The following CNTNAP2 variants were observed in gnomAD, a reference collection of about 807,000 sequenced individuals.
CNTNAP2 encodes contactin associated protein 2, also known as contactin-associated protein-like 2.
CNTNAP2 carries 98 observed loss-of-function variants against 155.2 expected under a neutral mutation model. The ratio of observed to expected loss-of-function variants is 0.63; its 90% CI spans 0.54 to 0.75. The LOEUF is 0.75. CNTNAP2 is among the 30% of genes least tolerant of loss of function. The pLI, the probability that CNTNAP2 is intolerant of heterozygous loss-of-function variation, is 0.00. For missense variants in CNTNAP2, 1,727 were observed against 1,688.1 expected (o/e 1.02, Z -0.40); for synonymous variants, 651 against 631.2 (o/e 1.03, Z -0.47).
At chr7:146,958,407 GTTTTTT>G (rs71165054) in intron 3 of CNTNAP2, among the ~76,000 whole-genome samples, 2 of 78,032 alleles carry the variant, frequency 2.6e-5, no homozygotes, top group Non-Finnish European at 4.7e-5. Context: ...CATTTTTATG[GTTTTTT>G]TTTTTTTTTT....
chr7:146,462,981 T>G (rs1459558307), intron 1 of CNTNAP2, among the ~76,000 whole-genome samples: 1 of 152,080 alleles, frequency 6.6e-6, no homozygotes, highest in Non-Finnish European at 1.5e-5. Context: ...AAACAATGCA[T>G]CAGACATTAA....
At chr7:147,806,571 G>T (rs533769666) in intron 13 of CNTNAP2, among the ~76,000 whole-genome samples, 1 of 152,316 alleles carries the variant, frequency 6.6e-6, no homozygotes, top group African/African-American at 2.4e-5. Flanking sequence ...AGCACTATTT[G>T]CAGTAGCCAA....
intron 1 of CNTNAP2, among the ~76,000 whole-genome samples, chr7:146,762,717 T>C (rs1179735945): frequency 1.3e-5 from 2 of 152,084 alleles, no homozygotes; most frequent in African/African-American, 4.8e-5. Context: ...GGGCTCACAG[T>C]TCCACGTGGC....
chr7:147,926,142 T>A (rs1800394199), intron 14 of CNTNAP2, among the ~76,000 whole-genome samples: 1 of 151,998 alleles, frequency 6.6e-6, no homozygotes, highest in Admixed American at 6.6e-5. Context: ...TCAAATGGAG[T>A]CTTATTTGAA....
intron 1 of CNTNAP2, among the ~76,000 whole-genome samples, chr7:146,774,040 G>T (rs985297570): frequency 6.6e-6 from 1 of 152,154 alleles, no homozygotes; most frequent in Non-Finnish European, 1.5e-5. Context: ...GAAGTCCTTT[G>T]GAGTAATGTG....
At chr7:146,393,190 T>C (rs759776060) in intron 1 of CNTNAP2, among the ~76,000 whole-genome samples, 2 of 152,232 alleles carry the variant, frequency 1.3e-5, no homozygotes, top group Non-Finnish European at 2.9e-5. Flanking sequence ...GAGAAGACTC[T>C]ACTCAGGTGC....
At chr7:147,942,007 C>T (rs962881721) in intron 14 of CNTNAP2, among the ~76,000 whole-genome samples, 2 of 152,184 alleles carry the variant, frequency 1.3e-5, no homozygotes, top group African/African-American at 4.8e-5. Context: ...CAGGTTAGTA[C>T]CTCATTATGA....
chr7:146,675,385 T>C (rs1478666680), intron 1 of CNTNAP2, among the ~76,000 whole-genome samples: 1 of 152,172 alleles, frequency 6.6e-6, no homozygotes, highest in Admixed American at 6.6e-5. Flanking sequence ...GACTTAACAT[T>C]TAGGAGCATG....
intron 14 of CNTNAP2, among the ~76,000 whole-genome samples, chr7:147,923,180 T>C (rs1301576244): frequency 6.6e-6 from 1 of 152,158 alleles, no homozygotes; most frequent in Non-Finnish European, 1.5e-5. Context: ...TTGAATTGTG[T>C]CCCCACAAAA....
chr7:147,336,404 C>G (rs1397145240), intron 9 of CNTNAP2, among the ~76,000 whole-genome samples: 3 of 152,132 alleles, frequency 2.0e-5, no homozygotes, highest in African/African-American at 7.2e-5. Flanking sequence ...AGTTTAAGCA[C>G]AGCTATATGC....
At chr7:146,756,586 C>T (rs1427728647) in intron 1 of CNTNAP2, among the ~76,000 whole-genome samples, 4 of 151,940 alleles carry the variant, frequency 2.6e-5, no homozygotes, top group Non-Finnish European at 4.4e-5. Context: ...TACACACGGG[C>T]TTCCTATTGG....
At chr7:146,993,442 G>A (rs553603179) in intron 3 of CNTNAP2, among the ~76,000 whole-genome samples, 1 of 152,252 alleles carries the variant, frequency 6.6e-6, no homozygotes, top group African/African-American at 2.4e-5. Flanking sequence ...TCATGCTTGA[G>A]TCCACTCCCT....
intron 20 of CNTNAP2, among the ~76,000 whole-genome samples, chr7:148,261,129 A>G (rs1344588159): frequency 6.6e-6 from 1 of 151,970 alleles, no homozygotes; most frequent in Admixed American, 6.6e-5. Context: ...TCAGGAAGAA[A>G]AGGGGAGGTC....
At chr7:148,359,784 A>G (rs1798582565) in intron 21 of CNTNAP2, among the ~76,000 whole-genome samples, 1 of 152,202 alleles carries the variant, frequency 6.6e-6, no homozygotes, top group Admixed American at 6.5e-5. Flanking sequence ...TGCGGAGAAA[A>G]TATTTCTCAC....
chr7:147,234,772 G>C (rs1453247273), intron 8 of CNTNAP2, among the ~76,000 whole-genome samples: 1 of 152,136 alleles, frequency 6.6e-6, no homozygotes, highest in Non-Finnish European at 1.5e-5. Flanking sequence ...TTATCGATGA[G>C]GCCGTTTGTT....
intron 15 of CNTNAP2, among the ~76,000 whole-genome samples, chr7:148,006,477 G>T (rs773339860): frequency 1.3e-5 from 2 of 151,508 alleles, no homozygotes; most frequent in Non-Finnish European, 2.9e-5. Context: ...GCGCCACCAC[G>T]CCTGGCTATT....
chr7:146,400,130 C>G (rs1795692771), intron 1 of CNTNAP2, among the ~76,000 whole-genome samples: 1 of 152,056 alleles, frequency 6.6e-6, no homozygotes, highest in Non-Finnish European at 1.5e-5. Flanking sequence ...TCCCTGCCTC[C>G]TACCATAGCG....
At chr7:147,772,341 C>T (rs954476745) in intron 13 of CNTNAP2, among the ~76,000 whole-genome samples, 3 of 148,946 alleles carry the variant, frequency 2.0e-5, no homozygotes, top group South Asian at 2.1e-4. Context: ...CACTTAAACC[C>T]GGGAGTTGGA....
At chr7:147,710,147 G>A (rs796317054) in intron 13 of CNTNAP2, among the ~76,000 whole-genome samples, 10 of 152,232 alleles carry the variant, frequency 6.6e-5, no homozygotes, top group Admixed American at 4.6e-4. Flanking sequence ...GAATTTGTGA[G>A]GAGGTATTGT....
Sources: gnomAD v4.1 joint callset for allele counts (sites outside exome capture counted in the v4.1 genomes callset) on GRCh38, gnomAD v4.1.1 for gene constraint, MANE v1.5 for transcripts, NCBI Gene and HGNC (gene_info 2026-07-23, HGNC 2026-07-21) for gene names.